FBXL14: variants seen among roughly 807,000 people sequenced by gnomAD.
FBXL14 encodes the protein F-box/LRR-repeat protein 14.
In FBXL14, 11 loss-of-function variants were observed where a neutral mutation model predicts 24.5. The ratio of observed to expected loss-of-function variants is 0.45; its 90% confidence interval spans 0.28 to 0.74. The LOEUF is 0.74. Among genes scored for constraint, FBXL14 ranks in the 30% least tolerant of loss-of-function variants. The pLI is 0.12. For synonymous variants in FBXL14, 294 were observed against 240.4 expected (o/e 1.22, Z -2.06); for missense variants, 384 against 545.6 (o/e 0.70, Z 2.95).
At chr12:1,583,027 C>T (rs537830826) in intron 1 of FBXL14, among the ~76,000 whole-genome samples, 14 of 152,098 alleles carry the variant, frequency 9.2e-5, no homozygotes, top group African/African-American at 1.7e-4. Flanking sequence ...TTTACTTCTT[C>T]GTCAGGGCTG....
chr12:1,585,226 G>A lies in FBXL14; in HGVS notation c.1194+7647C>T, dbSNP rs189081342. Reference sequence around the variant, plus strand: ...ATCCTGACTAACATGGTGAAACCCCGTCTCTACTAAAAATACAAAAAATTA... The same window carrying A: ...ATCCTGACTAACATGGTGAAACCCCATCTCTACTAAAAATACAAAAAATTA... On this transcript the variant is annotated intron_variant, in intron 1 of 1. Transcript: ENST00000339235. 2.6e-3 allele frequency among the ~76,000 whole-genome samples: 399 copies of A among 152,174 alleles called. 1 individual carries two copies. The highest frequency in any genetic ancestry group is 9.0e-3 in the African/African-American group (374 of 41,532).
chr12:1,592,344 AGAG>A (rs1474170532), intron 1 of FBXL14, among the ~76,000 whole-genome samples: 3 of 151,958 alleles, frequency 2.0e-5, no homozygotes, highest in Non-Finnish European at 2.9e-5. Context: ...GAGTACTGTA[AGAG>A]GAGGAGTGAT....
chr12:1,586,396 G>A (rs559192937), intron 1 of FBXL14, among the ~76,000 whole-genome samples: 3 of 152,204 alleles, frequency 2.0e-5, no homozygotes, highest in Admixed American at 6.5e-5. Flanking sequence ...TTTAAGAGAT[G>A]GGGTTTTGCT....
intron 1 of FBXL14, among the ~76,000 whole-genome samples, chr12:1,573,959 C>T (rs1304835756): frequency 6.6e-6 from 1 of 150,790 alleles, no homozygotes; most frequent in Non-Finnish European, 1.5e-5. Context: ...GAGCTGAGAT[C>T]GCACCATTGC....
At chr12:1,580,623 T>G (rs1404351453) in intron 1 of FBXL14, among the ~76,000 whole-genome samples, 1 of 152,180 alleles carries the variant, frequency 6.6e-6, no homozygotes, top group Non-Finnish European at 1.5e-5. Context: ...CAGCACATTT[T>G]CCACTTGATT....
In FBXL14 at chr12:1,567,128, C is replaced by T. The variant is rs2094437624; in HGVS notation, c.1195-318G>A. Among the ~76,000 whole-genome samples, 2 of 152,188 alleles carry T rather than the reference C, an allele frequency of 1.3e-5. No individual in the cohort carries two copies. Among genetic ancestry groups the T allele is most frequent in the South Asian group, 2.1e-4 (1 of 4,812 alleles). The stretch of plus-strand genomic sequence containing the variant: ...CCTCTTTACAGCAGCTGCCTTTACC[C>T]GGTCACAGCCACTATCAAGAAAAAG... On this transcript the variant is annotated intron_variant, in intron 1 of 1. Coordinates refer to ENST00000339235, the MANE Select transcript of FBXL14 (RefSeq NM_152441.3). The surrounding 1 kb of genome is among the most constrained non-coding windows in gnomAD (Gnocchi z 4.8).
chr12:1,585,254 C>T (rs541436932), intron 1 of FBXL14, among the ~76,000 whole-genome samples: 7 of 152,220 alleles, frequency 4.6e-5, no homozygotes, highest in South Asian at 4.2e-4. Flanking sequence ...AAAAATTAGC[C>T]GGGCGTGGTG....
rs1262129801 is a variant in FBXL14 at position 1,566,052 on chromosome 12, C to T, written c.*696G>A. The T allele has an allele frequency of 5.9e-5, 9 of 152,506 alleles. No homozygotes were observed. The highest frequency in any genetic ancestry group is 3.3e-4 in the Admixed American group (5 of 15,266). The allele number at this position is 152,506 out of a possible 1,614,324, so 9.4% of individuals were successfully genotyped here. Reference sequence around the variant, plus strand: ...ATTGTTCCCATTAAAATGGAAACCCCGTGGGGAGAGGAAATGCATCTGTGG... The same window carrying T: ...ATTGTTCCCATTAAAATGGAAACCCTGTGGGGAGAGGAAATGCATCTGTGG... On this transcript the variant is annotated 3_prime_UTR_variant, in exon 2 of 2. Coordinates refer to ENST00000339235, the MANE Select transcript of FBXL14 (RefSeq NM_152441.3).
At chr12:1,585,259 G>A (rs761038259) in intron 1 of FBXL14, among the ~76,000 whole-genome samples, 46 of 152,272 alleles carry the variant, frequency 3.0e-4, no homozygotes, top group African/African-American at 1.1e-3. Context: ...TTAGCCGGGC[G>A]TGGTGGCAGG....
rs994599559 is a variant in FBXL14 at position 1,567,234 on chromosome 12, G to A, written c.1195-424C>T. Among the ~76,000 whole-genome samples, 4 of 152,050 alleles carry A rather than the reference G, an allele frequency of 2.6e-5. No individual in the cohort carries two copies. Among genetic ancestry groups the A allele is most frequent in the Non-Finnish European group, 2.9e-5 (2 of 68,016 alleles). ...TCCCAGCACTTTGGGAGGTCGAAGC[G>A]GGCGGATCACCTGAGGTCAGGAGTT... On this transcript the variant is annotated intron_variant, in intron 1 of 1. Transcript: ENST00000339235. The surrounding 1 kb of genome is among the most constrained non-coding windows in gnomAD (Gnocchi z 4.8).
At chr12:1,568,601 GA>G (rs1483989513) in intron 1 of FBXL14, among the ~76,000 whole-genome samples, 10 of 152,122 alleles carry the variant, frequency 6.6e-5, no homozygotes, top group African/African-American at 2.4e-4. Context: ...ATGTGTAAGG[GA>G]AATGAGTGAC....
In FBXL14 at chr12:1,594,037, C is replaced by A; in HGVS notation, c.30G>T (p.Pro10=). 1 of 1,553,028 alleles carries A rather than the reference C, an allele frequency of 6.4e-7. No individual in the cohort carries two copies. Among genetic ancestry groups the A allele is most frequent in the South Asian group, 1.2e-5 (1 of 83,690 alleles). The change falls in exon 1 of 2, where the codon CCG becomes CCT. Residue 10 remains proline (P), a synonymous_variant. Transcript: ENST00000339235. METHISCLF[P]ELLAMIFGYL... ...AGCCGAAGATCATGGCCAGCAGCTC[C>A]GGGAACAGGCATGAGATGTGGGTCT...
rs185931537 is a variant in FBXL14 at position 1,581,733 on chromosome 12, C to G, written c.1194+11140G>C. 5.1e-3 allele frequency among the ~76,000 whole-genome samples: 773 copies of G among 152,306 alleles called. 6 individuals carry two copies. The highest frequency in any genetic ancestry group is 0.01 in the Middle Eastern group (3 of 294). ...CAGAGGTCTCAGTCACACCAACATCCTCACGCCAGCCCAGTGGCCACATTC... is the reference window on the plus strand; with the variant it reads ...CAGAGGTCTCAGTCACACCAACATCGTCACGCCAGCCCAGTGGCCACATTC... On this transcript the variant is annotated intron_variant, in intron 1 of 1. Transcript: ENST00000339235.
At chr12:1,582,128 AAAG>A (rs1284379670) in intron 1 of FBXL14, among the ~76,000 whole-genome samples, 17 of 147,954 alleles carry the variant, frequency 1.1e-4, no homozygotes, top group South Asian at 6.6e-4. Context: ...TGTCGAAAGA[AAAG>A]GAAGGAAGGA....
Position 1,566,261 on chromosome 12 carries a change from GA to G in FBXL14, c.*486del, listed in dbSNP as rs1437357583. 1 of 152,398 alleles carries G rather than the reference GA, an allele frequency of 6.6e-6. No homozygotes were observed. Among genetic ancestry groups the G allele is most frequent in the Non-Finnish European group, 1.5e-5 (1 of 68,078 alleles). The allele number at this position is 152,398 out of a possible 1,614,324, so 9.4% of individuals were successfully genotyped here. Reference sequence around the variant, plus strand: ...AGATGTATTTTCTTTGGGGAGTTGTGAATTCCTTGTGTGTCCAGCTATCACT... The same window carrying G: ...AGATGTATTTTCTTTGGGGAGTTGTGATTCCTTGTGTGTCCAGCTATCACT... On this transcript the variant is annotated 3_prime_UTR_variant, in exon 2 of 2. Transcript: ENST00000339235.
rs1432352044 is a variant in FBXL14, at chr12:1,589,454, AAGAC to A, written c.1194+3415_1194+3418del. 1.4e-4 allele frequency among the ~76,000 whole-genome samples: 18 copies of A among 130,582 alleles called. No individual in the cohort carries two copies. The South Asian group carries it at 3.7e-3, about 27-fold the overall frequency. The allele number at this position is 130,582 out of a possible 152,430, so 85.7% of individuals were successfully genotyped here. On this transcript the variant is annotated intron_variant, in intron 1 of 1. Coordinates refer to ENST00000339235, the MANE Select transcript of FBXL14 (RefSeq NM_152441.3). ...CTTGTCTCAAAAAAAAAAAAAAAAAAAGACAGGAAGGCAGGAAGACAGGAAGGAA... is the reference window on the plus strand; with the variant it reads ...CTTGTCTCAAAAAAAAAAAAAAAAAAAGGAAGGCAGGAAGACAGGAAGGAA...
chr12:1,593,523 G>A lies in FBXL14; in HGVS notation c.544C>T (p.Leu182Phe). 6.2e-7 allele frequency: 1 copy of A among 1,613,850 alleles called. No homozygotes were observed. The highest frequency in any genetic ancestry group is 1.1e-5 in the South Asian group (1 of 91,068). The change falls in exon 1 of 2, where the codon CTT becomes TTT. Residue 182 changes from leucine (L) to phenylalanine (F), a missense_variant. Physicochemically the swap from Leu to Phe is conservative, Grantham distance 22. Coordinates refer to ENST00000339235, the MANE Select transcript of FBXL14 (RefSeq NM_152441.3). This position sits in a 1 kb window ranked among gnomAD's most constrained non-coding sequence, Gnocchi z 7.4. The part of the protein sequence containing the change: ...KSLNLRSCRH[L>F]SDVGIGHLAG... The stretch of plus-strand genomic sequence containing the variant: ...AGGTGCCCGATGCCCACATCCGAAA[G>A]GTGGCGGCAGCTGCGGAGGTTAAGG...
intron 1 of FBXL14, among the ~76,000 whole-genome samples, chr12:1,588,493 C>T (rs897468038): frequency 6.6e-6 from 1 of 152,114 alleles, no homozygotes. Context: ...TATACTGGTA[C>T]TGGCTTTTAG....
Position 1,569,983 on chromosome 12 carries a change from CAAG to C in FBXL14, c.1195-3176_1195-3174del, listed in dbSNP as rs372104457. Among the ~76,000 whole-genome samples, 268 of 152,326 alleles carry C rather than the reference CAAG, an allele frequency of 1.8e-3. 1 individual carries two copies. The highest frequency in any genetic ancestry group is 6.1e-3 in the African/African-American group (253 of 41,586). On this transcript the variant is annotated intron_variant, in intron 1 of 1. Coordinates refer to ENST00000339235, the MANE Select transcript of FBXL14 (RefSeq NM_152441.3). The surrounding 1 kb of genome is among the most constrained non-coding windows in gnomAD (Gnocchi z 4.2). Reference sequence around the variant, plus strand: ...TCCTTCTGCAAGGAAGCTTTTCAGACAAGAAGGAGGCTTTTATGAGGTTCAGAT... The same window carrying C: ...TCCTTCTGCAAGGAAGCTTTTCAGACAAGGAGGCTTTTATGAGGTTCAGAT...
Sources: gnomAD v4.1 joint callset for allele counts (sites outside exome capture counted in the v4.1 genomes callset) on GRCh38, gnomAD v4.1.1 for gene constraint, Gnocchi (gnomAD v3.1) non-coding constraint, MANE v1.5 for transcripts, NCBI Gene and HGNC (gene_info 2026-07-23, HGNC 2026-07-21) for gene names.